The following MACROD2 variants were observed in gnomAD, a reference collection of about 807,000 sequenced individuals.
MACROD2 encodes the protein mono-ADP ribosylhydrolase 2.
Under a neutral mutation model 70.4 loss-of-function variants are expected in MACROD2, and 36 were observed. The observed-to-expected ratio is 0.51, with a 90% CI of 0.39 to 0.68. The LOEUF (loss-of-function observed/expected upper bound fraction) is 0.68, where lower values mean the gene tolerates loss of function less well. Among genes scored for constraint, MACROD2 ranks in the 30% least tolerant of loss-of-function variants. MACROD2 has a pLI of 0.00. For missense variants in MACROD2, 496 were observed against 538.4 expected (o/e 0.92, Z 0.78); for synonymous variants, 172 against 178.8 (o/e 0.96, Z 0.30).
At chr20:14,664,390 G>A (rs6079521) in intron 4 of MACROD2, among the ~76,000 whole-genome samples, 1 of 152,134 alleles carries the variant, frequency 6.6e-6, no homozygotes, top group Non-Finnish European at 1.5e-5. Context: ...TTTTACAGAA[G>A]GCTGTGTGAG....
chr20:15,408,419 T>C (rs1405035060), intron 6 of MACROD2, among the ~76,000 whole-genome samples: 2 of 152,204 alleles, frequency 1.3e-5, no homozygotes, highest in Non-Finnish European at 2.9e-5. Flanking sequence ...CAAGACAGAA[T>C]AAAATAAAAA....
intron 5 of MACROD2, among the ~76,000 whole-genome samples, chr20:15,095,817 A>G (rs1473012352): frequency 1.3e-5 from 2 of 152,060 alleles, no homozygotes; most frequent in Admixed American, 6.6e-5. Context: ...GTGCCCAGCC[A>G]GAAAGGTTCT....
chr20:15,361,722 TG>T (rs1210634314), intron 6 of MACROD2, among the ~76,000 whole-genome samples: 1 of 152,202 alleles, frequency 6.6e-6, no homozygotes, highest in African/African-American at 2.4e-5. Flanking sequence ...AGATATTCTT[TG>T]ATTTTTTTTC....
At chr20:15,640,448 C>G (rs1031198768) in intron 8 of MACROD2, among the ~76,000 whole-genome samples, 57 of 152,266 alleles carry the variant, frequency 3.7e-4, no homozygotes, top group African/African-American at 1.4e-3. Context: ...CCTCTCTGCT[C>G]TTGAGAGGAT....
intron 5 of MACROD2, among the ~76,000 whole-genome samples, chr20:15,157,349 A>ACCCCCCCCCCCCCCCCCCCCCCCC (rs71870874): frequency 1.8e-5 from 2 of 109,400 alleles, no homozygotes; most frequent in Non-Finnish European, 3.9e-5. Flanking sequence ...CTAATTAACC[A>ACCCCCCCCCCCCCCCCCCCCCCCC]CCCCCCCCCA....
intron 15 of MACROD2, among the ~76,000 whole-genome samples, chr20:16,036,412 C>T (rs530612672): frequency 4.1e-4 from 62 of 152,026 alleles, no homozygotes; most frequent in Non-Finnish European, 4.3e-4. Flanking sequence ...CTCCACTAAC[C>T]TAGAAAAAAT....
chr20:14,062,489 A>G (rs1033599859), intron 2 of MACROD2, among the ~76,000 whole-genome samples: 1 of 152,172 alleles, frequency 6.6e-6, no homozygotes, highest in African/African-American at 2.4e-5. Flanking sequence ...GAGTTTCTCA[A>G]GGGGACAGAA....
intron 4 of MACROD2, among the ~76,000 whole-genome samples, chr20:14,592,821 A>G (rs902753363): frequency 6.6e-5 from 10 of 152,186 alleles, no homozygotes; most frequent in African/African-American, 1.7e-4. Context: ...GCTCTTAACT[A>G]TAATATTTTA....
chr20:14,732,759 G>T (rs139975635), intron 5 of MACROD2, among the ~76,000 whole-genome samples: 5 of 151,960 alleles, frequency 3.3e-5, no homozygotes, highest in Admixed American at 6.6e-5. Flanking sequence ...CTGCCTTCTG[G>T]CTCATTCACT....
intron 5 of MACROD2, among the ~76,000 whole-genome samples, chr20:14,769,027 G>GAGGACTT (rs2072130139): frequency 6.6e-6 from 1 of 152,064 alleles, no homozygotes; most frequent in African/African-American, 2.4e-5. Context: ...TATTAATAGT[G>GAGGACTT]AGGCCTTAGG....
At chr20:14,850,814 A>G in intron 5 of MACROD2, among the ~76,000 whole-genome samples, 1 of 152,190 alleles carries the variant, frequency 6.6e-6, no homozygotes, top group Non-Finnish European at 1.5e-5. Context: ...GAAAATGTTG[A>G]TATAAAAGAA....
intron 5 of MACROD2, among the ~76,000 whole-genome samples, chr20:14,791,050 G>C (rs985297890): frequency 6.6e-6 from 1 of 152,074 alleles, no homozygotes; most frequent in Non-Finnish European, 1.5e-5. Flanking sequence ...CGCAGGGTCT[G>C]CTCTAGACTA....
intron 5 of MACROD2, among the ~76,000 whole-genome samples, chr20:15,185,726 TCA>T (rs1249413755): frequency 6.6e-6 from 1 of 152,190 alleles, no homozygotes; most frequent in East Asian, 1.9e-4. Flanking sequence ...AAAAGAAATC[TCA>T]GTTTCTAAAC....
At chr20:14,914,940 C>G (rs1198086446) in intron 5 of MACROD2, among the ~76,000 whole-genome samples, 1 of 152,146 alleles carries the variant, frequency 6.6e-6, no homozygotes, top group East Asian at 1.9e-4. Flanking sequence ...AAGGATGTTG[C>G]ACTCCCAGAG....
chr20:15,348,356 A>T (rs928653413), intron 6 of MACROD2, among the ~76,000 whole-genome samples: 2 of 152,218 alleles, frequency 1.3e-5, no homozygotes, highest in South Asian at 2.1e-4. Flanking sequence ...GTAATAATGC[A>T]AGAGGTAAAC....
chr20:15,560,749 C>T (rs565841097), intron 8 of MACROD2, among the ~76,000 whole-genome samples: 153 of 54,732 alleles, frequency 2.8e-3, no homozygotes, highest in African/African-American at 0.01. Context: ...GGCCACAGGG[C>T]ATAACAAAGT....
intron 3 of MACROD2, among the ~76,000 whole-genome samples, chr20:14,093,909 G>A (rs542573834): frequency 5.6e-4 from 85 of 152,040 alleles, no homozygotes; most frequent in Middle Eastern, 6.8e-3. Context: ...ATGTGGCTGA[G>A]TGTGCTTGGA....
At chr20:15,630,164 T>A (rs1299138964) in intron 8 of MACROD2, among the ~76,000 whole-genome samples, 1 of 152,180 alleles carries the variant, frequency 6.6e-6, no homozygotes, top group Non-Finnish European at 1.5e-5. Flanking sequence ...ACTGAGTTAG[T>A]GTATATGAAG....
chr20:14,164,918 C>G (rs1014797321), intron 3 of MACROD2, among the ~76,000 whole-genome samples: 5 of 152,184 alleles, frequency 3.3e-5, no homozygotes, highest in Admixed American at 1.3e-4. Context: ...CCCATAGTGG[C>G]AGTGGCTGTG....
Sources: allele counts gnomAD v4.1 joint callset (sites outside exome capture counted in the v4.1 genomes callset), GRCh38; gene constraint gnomAD v4.1.1; transcripts MANE v1.5; gene names NCBI Gene and HGNC (gene_info 2026-07-23, HGNC 2026-07-21).